Variants in CDKL2 observed in about 807,000 individuals in gnomAD.
CDKL2 encodes cyclin-dependent kinase-like 2.
CDKL2 carries 64 observed loss-of-function variants against 63.9 expected under a neutral mutation model. The observed-to-expected ratio is 1.00, with a 90% CI of 0.82 to 1.23. The LOEUF is 1.23. CDKL2 is among the 50% of genes most tolerant of loss of function. The pLI is 0.00. For missense variants in CDKL2, 656 were observed against 668.0 expected (o/e 0.98, Z 0.20); for synonymous variants, 211 against 229.2 (o/e 0.92, Z 0.72).
rs540845029 is a variant in CDKL2, at chr4:75,592,144, A to T, written c.1540+2T>A. 2 of 1,531,286 alleles carry T rather than the reference A, an allele frequency of 1.3e-6. No homozygotes were observed. Among genetic ancestry groups the T allele is most frequent in the East Asian group, 4.9e-5 (2 of 40,856 alleles). The allele number at this position is 1,531,286 out of a possible 1,614,324, so 94.9% of individuals were successfully genotyped here. On this transcript the variant is annotated splice_donor_variant, in intron 11 of 13. Transcript: ENST00000307465. LOFTEE classifies it high-confidence loss of function. ...CACAAAGTAAAAGCATTATCAACAC[A>T]CCTATGCCTCCCAGTGCTCTTAGTT...
chr4:75,599,773 C>T (rs1416200867), intron 7 of CDKL2, among the ~76,000 whole-genome samples: 1 of 152,152 alleles, frequency 6.6e-6, no homozygotes, highest in Non-Finnish European at 1.5e-5. Context: ...ACTCATCTCA[C>T]TATTCTTTGT....
At chr4:75,602,823 C>T (rs1373318839) in intron 6 of CDKL2, among the ~76,000 whole-genome samples, 2 of 152,018 alleles carry the variant, frequency 1.3e-5, no homozygotes, top group Non-Finnish European at 2.9e-5. Flanking sequence ...CATGCCCAGA[C>T]CCTTTTTATT....
intron 5 of CDKL2, 65 bp downstream of exon 5, chr4:75,605,457 C>T: frequency 1.1e-6 from 1 of 937,248 alleles, no homozygotes; most frequent in South Asian, 1.5e-5. Flanking sequence ...AAATCACAAA[C>T]ACACAGGCAC....
intron 5 of CDKL2, among the ~76,000 whole-genome samples, chr4:75,604,285 G>C (rs1212835639): frequency 6.6e-6 from 1 of 152,130 alleles, no homozygotes; most frequent in Admixed American, 6.5e-5. Context: ...AGATAAATCA[G>C]TTCTCCCCTT....
chr4:75,603,120 C>T (rs569949822), intron 6 of CDKL2, among the ~76,000 whole-genome samples: 1,755 of 149,932 alleles, frequency 0.012, 37 homozygotes, highest in African/African-American at 0.041. Context: ...CTGCCTCAGC[C>T]TCCCCAGTAG....
rs1729835175 is a variant in CDKL2 at position 75,614,354 on chromosome 4, A to C, written c.264T>G (p.Leu88=). 1 of 1,611,698 alleles carries C rather than the reference A, an allele frequency of 6.2e-7. No individual in the cohort carries two copies. The highest frequency in any genetic ancestry group is 8.5e-7 in the Non-Finnish European group (1 of 1,178,834). ...LVFEFVDHTI[L]DDLELFPNGL... ...CATTTGGAAAGAGCTCCAAGTCATC[A>C]AGAATTGTGTGGTCAACAAATTCAA... Residue 88 remains leucine, a synonymous_variant, in exon 3 of 14, where the codon CTT becomes CTG. Coordinates refer to ENST00000307465, the MANE Select transcript of CDKL2 (RefSeq NM_001330724.2).
At chr4:75,587,761 G>A (rs563343735) in intron 12 of CDKL2, among the ~76,000 whole-genome samples, 234 of 151,200 alleles carry the variant, frequency 1.5e-3, no homozygotes, top group African/African-American at 5.5e-3. Context: ...AAAATTAGCC[G>A]GGCATAGTGG....
At chr4:75,595,001 A>G (rs1040204622) in intron 10 of CDKL2, among the ~76,000 whole-genome samples, 3 of 152,078 alleles carry the variant, frequency 2.0e-5, no homozygotes, top group Admixed American at 6.5e-5. Flanking sequence ...TTCAAAAGAG[A>G]AACATTCTGG....
chr4:75,618,239 CTTTTTT>C (rs56002333), intron 2 of CDKL2, among the ~76,000 whole-genome samples: 43 of 52,952 alleles, frequency 8.1e-4, no homozygotes, highest in African/African-American at 2.9e-3. Flanking sequence ...ATTGAAAATT[CTTTTTT>C]TTTTTTTTTT....
At chr4:75,582,738 C>T (rs1728315112) in intron 12 of CDKL2, among the ~76,000 whole-genome samples, 2 of 152,166 alleles carry the variant, frequency 1.3e-5, no homozygotes, top group African/African-American at 4.8e-5. Context: ...CTAGATACAT[C>T]ATATTTAAGC....
rs1728746370 is a variant in CDKL2, at chr4:75,592,218, A to C, written c.1468T>G (p.Ser490Ala). The C allele has an allele frequency of 6.5e-7, 1 of 1,534,848 alleles. No homozygotes were observed. The highest frequency in any genetic ancestry group is 8.7e-7 in the Non-Finnish European group (1 of 1,146,248). ...FWASKKRREY[S>A]RTDVRLPELN... The stretch of plus-strand genomic sequence containing the variant: ...TCAGGCAAACGGACATCTGTCCTGG[A>C]GTATTCTCTTCTTTTCTTACTTGCC... Residue 490 changes from serine (S) to alanine (A), a missense_variant, in exon 11 of 14, where the codon TCC (serine) becomes GCC (alanine). Transcript: ENST00000307465.
chr4:75,620,249 T>G (rs1299205663), intron 2 of CDKL2, among the ~76,000 whole-genome samples: 1 of 151,964 alleles, frequency 6.6e-6, no homozygotes. Context: ...AGCACAAAAT[T>G]GAAGATAAGC....
rs57328528 is a variant in CDKL2, at chr4:75,627,731, CTTTTTTTT to C, written c.-29-1722_-29-1715del. Reference sequence around the variant, plus strand: ...AAATATTTTTCTTTACTTTTTTTTTCTTTTTTTTTTTTTTTTTTTTGAAACGGAGTCTC... The same window carrying C: ...AAATATTTTTCTTTACTTTTTTTTTCTTTTTTTTTTTTGAAACGGAGTCTC... On this transcript the variant is annotated intron_variant, in intron 1 of 13. Coordinates refer to ENST00000307465, the MANE Select transcript of CDKL2 (RefSeq NM_001330724.2). 3.5e-5 allele frequency among the ~76,000 whole-genome samples: 3 copies of C among 85,984 alleles called. No homozygotes were observed. In the South Asian group the frequency reaches 1.2e-3, roughly 34 times the overall value. 56.4% of individuals were successfully genotyped at this position (85,984 alleles called of 152,430 possible).
intron 12 of CDKL2, among the ~76,000 whole-genome samples, chr4:75,589,414 C>T (rs1728609936): frequency 6.7e-6 from 1 of 148,678 alleles, no homozygotes; most frequent in Admixed American, 6.8e-5. Flanking sequence ...ACGCCATTCT[C>T]CTGCCTCAGC....
chr4:75,620,200 AATAATAATG>A (rs1730097877), intron 2 of CDKL2, among the ~76,000 whole-genome samples: 1 of 152,182 alleles, frequency 6.6e-6, no homozygotes, highest in African/African-American at 2.4e-5. Flanking sequence ...TCTAAAAAAT[AATAATAATG>A]ATAATAATAG....
intron 3 of CDKL2, among the ~76,000 whole-genome samples, chr4:75,610,174 T>C (rs1161277963): frequency 6.7e-6 from 1 of 148,464 alleles, no homozygotes; most frequent in African/African-American, 2.5e-5. Context: ...CTGCACTCCA[T>C]CCTGGGCGAC....
At chr4:75,614,535 A>T in intron 2 of CDKL2, 86 bp from the exon 3 acceptor site, 1 of 802,746 alleles carries the variant, frequency 1.2e-6, no homozygotes, top group South Asian at 2.1e-5. Flanking sequence ...GCAATTAATT[A>T]TTTAAAATAG....
chr4:75,598,467 T>C (rs1235872630), intron 7 of CDKL2, among the ~76,000 whole-genome samples: 2 of 152,008 alleles, frequency 1.3e-5, no homozygotes, highest in Non-Finnish European at 2.9e-5. Flanking sequence ...TCTCACCAGG[T>C]TAACATGAAA....
Position 75,591,893 on chromosome 4 carries a change from T to C in CDKL2, c.1573A>G (p.Lys525Glu). ...GGAATTCGAGATTCTGAAAGAATTT[T>C]GCTCTCTTTCTTTGTTAGCCTGGAA... ...RNSRLTKKESKILSESRIPSL... is the reference protein window; with the variant it reads ...RNSRLTKKESEILSESRIPSL... The change falls in exon 12 of 14, where the codon AAA (lysine) becomes GAA (glutamate). Residue 525 changes from lysine to glutamate, a missense_variant. Coordinates refer to ENST00000307465, the MANE Select transcript of CDKL2 (RefSeq NM_001330724.2). 1 of 1,536,050 alleles carries C rather than the reference T, an allele frequency of 6.5e-7. No individual in the cohort carries two copies. Among genetic ancestry groups the C allele is most frequent in the Non-Finnish European group, 8.7e-7 (1 of 1,146,854 alleles).
Sources: allele counts gnomAD v4.1 joint callset (sites outside exome capture counted in the v4.1 genomes callset), GRCh38; gene constraint gnomAD v4.1.1; transcripts MANE v1.5; gene names NCBI Gene and HGNC (gene_info 2026-07-23, HGNC 2026-07-21).